DOCK1: variants seen among roughly 807,000 people sequenced by gnomAD.
DOCK1 encodes the protein dedicator of cytokinesis protein 1.
Under a neutral mutation model 262.7 loss-of-function variants are expected in DOCK1, and 138 were observed. The ratio of observed to expected loss-of-function variants is 0.53; its 90% CI spans 0.46 to 0.61. The LOEUF (loss-of-function observed/expected upper bound fraction) is 0.61. Ranked by LOEUF, DOCK1 falls within the 20% of genes least tolerant of loss-of-function variation. The pLI is 0.00. For synonymous variants in DOCK1, 866 were observed against 867.4 expected (o/e 1.00, Z 0.03); for missense variants, 1,908 against 2,370.7 (o/e 0.80, Z 4.05).
At chr10:127,004,785 A>AG (rs2040886445) in intron 10 of DOCK1, among the ~76,000 whole-genome samples, 1 of 8,266 alleles carries the variant, frequency 1.2e-4, no homozygotes. Context: ...CCCCCGCCCC[A>AG]AAAAAAAGAA....
chr10:127,010,731 TG>T (rs1378791067), intron 11 of DOCK1, among the ~76,000 whole-genome samples: 2 of 152,218 alleles, frequency 1.3e-5, no homozygotes, highest in African/African-American at 4.8e-5. Context: ...TCATGGAACA[TG>T]GGCAGATATT....
chr10:126,922,919 T>C (rs1364499209), intron 1 of DOCK1, among the ~76,000 whole-genome samples: 3 of 152,216 alleles, frequency 2.0e-5, no homozygotes, highest in Non-Finnish European at 2.9e-5. Context: ...GAGACCAGCC[T>C]GACCAACATG....
chr10:127,424,836 CTT>C (rs1162480506), intron 46 of DOCK1, among the ~76,000 whole-genome samples: 1 of 152,198 alleles, frequency 6.6e-6, no homozygotes, highest in Non-Finnish European at 1.5e-5. Flanking sequence ...GCAAAACAAA[CTT>C]TTGTGTCGGT....
At chr10:127,264,371 TC>T (rs1345256480) in intron 29 of DOCK1, among the ~76,000 whole-genome samples, 1 of 152,210 alleles carries the variant, frequency 6.6e-6, no homozygotes, top group Non-Finnish European at 1.5e-5. Flanking sequence ...GTTTGAGACT[TC>T]CTGTTCTTTT....
chr10:126,971,613 T>C (rs1271306878), intron 2 of DOCK1, among the ~76,000 whole-genome samples: 1 of 152,152 alleles, frequency 6.6e-6, no homozygotes, highest in Non-Finnish European at 1.5e-5. Flanking sequence ...AGACAGGATT[T>C]CACCATGTTG....
chr10:127,079,788 G>C (rs1346210947), intron 23 of DOCK1, among the ~76,000 whole-genome samples: 1 of 152,118 alleles, frequency 6.6e-6, no homozygotes, highest in African/African-American at 2.4e-5. Context: ...AAAATTAGCT[G>C]GGCGTGTAGG....
At chr10:127,197,789 T>C (rs138455585) in intron 27 of DOCK1, among the ~76,000 whole-genome samples, 2,034 of 152,338 alleles carry the variant, frequency 0.013, 26 homozygotes, top group Non-Finnish European at 0.019. Context: ...TGAGCTGAAC[T>C]GAGCCTATCA....
At chr10:127,432,508 A>T (rs1350662351) in intron 47 of DOCK1, among the ~76,000 whole-genome samples, 1 of 152,072 alleles carries the variant, frequency 6.6e-6, no homozygotes, top group Non-Finnish European at 1.5e-5. Context: ...GGTTAAAGGA[A>T]GGTCCTTGTG....
At chr10:127,292,795 T>C (rs1228417999) in intron 29 of DOCK1, among the ~76,000 whole-genome samples, 3 of 152,154 alleles carry the variant, frequency 2.0e-5, no homozygotes, top group African/African-American at 7.2e-5. Flanking sequence ...CTTTAATGTT[T>C]TGTGCTTCCC....
intron 27 of DOCK1, among the ~76,000 whole-genome samples, 200 bp from the exon 28 acceptor site, chr10:127,247,808 A>G (rs908056541): frequency 2.6e-5 from 4 of 152,130 alleles, no homozygotes; most frequent in East Asian, 1.9e-4. Context: ...ACCCCCTACC[A>G]AAAAACATTC....
chr10:127,287,834 A>G (rs1370041464), intron 29 of DOCK1, among the ~76,000 whole-genome samples: 1 of 152,212 alleles, frequency 6.6e-6, no homozygotes, highest in African/African-American at 2.4e-5. Context: ...TTCAATATAC[A>G]GTAGTTTTTC....
At chr10:127,428,643 A>AGTGCCGTGTGGATTGGG (rs1419040732) in intron 47 of DOCK1, among the ~76,000 whole-genome samples, 15 of 64,648 alleles carry the variant, frequency 2.3e-4, no homozygotes, top group South Asian at 5.5e-4. Flanking sequence ...TGTGGATTGG[A>AGTGCCGTGTGGATTGGG]GTGCCGTGTG....
intron 27 of DOCK1, among the ~76,000 whole-genome samples, chr10:127,214,983 C>T (rs568306125): frequency 4.6e-5 from 7 of 152,186 alleles, no homozygotes; most frequent in Admixed American, 6.5e-5. Flanking sequence ...TTCCGCCTCA[C>T]GTGCAGGATG....
At chr10:127,447,102 C>T (rs945049219) in intron 50 of DOCK1, among the ~76,000 whole-genome samples, 1 of 152,170 alleles carries the variant, frequency 6.6e-6, no homozygotes, top group African/African-American at 2.4e-5. Context: ...ACAGAAGAGG[C>T]CGGGGTGAAC....
intron 46 of DOCK1, among the ~76,000 whole-genome samples, chr10:127,422,148 TTTTG>T (rs1426931523): frequency 6.7e-6 from 1 of 150,240 alleles, no homozygotes; most frequent in South Asian, 2.1e-4. Context: ...AGACTTGTTA[TTTTG>T]TTTGTCTTTT....
At chr10:127,430,896 G>C (rs527922649) in intron 47 of DOCK1, among the ~76,000 whole-genome samples, 1 of 152,186 alleles carries the variant, frequency 6.6e-6, no homozygotes, top group Non-Finnish European at 1.5e-5. Flanking sequence ...AAAACTCAGG[G>C]TCATTAGGCA....
intron 27 of DOCK1, among the ~76,000 whole-genome samples, chr10:127,229,542 A>G (rs773747471): frequency 7.2e-5 from 11 of 152,008 alleles, no homozygotes; most frequent in African/African-American, 1.2e-4. Flanking sequence ...AGGTCCATCT[A>G]TGTTGTTCCA....
chr10:127,397,533 G>A (rs2066964604), intron 38 of DOCK1, among the ~76,000 whole-genome samples: 1 of 148,878 alleles, frequency 6.7e-6, no homozygotes, highest in Non-Finnish European at 1.5e-5. Context: ...CACGGGCGGT[G>A]TCTCCTATGT....
At chr10:127,165,066 G>A (rs1032478073) in intron 27 of DOCK1, among the ~76,000 whole-genome samples, 1 of 152,222 alleles carries the variant, frequency 6.6e-6, no homozygotes, top group African/African-American at 2.4e-5. Context: ...ATAAGAATGT[G>A]AGTATACTGT....
Sources: gnomAD v4.1 joint callset for allele counts (sites outside exome capture counted in the v4.1 genomes callset) on GRCh38, gnomAD v4.1.1 for gene constraint, MANE v1.5 for transcripts, NCBI Gene and HGNC (gene_info 2026-07-23, HGNC 2026-07-21) for gene names.